Variants in DUSP1 observed in about 807,000 individuals in gnomAD.
The protein encoded by DUSP1 is dual specificity phosphatase 1.
In DUSP1, 10 loss-of-function variants were observed where a neutral mutation model predicts 27.4. That is an observed-to-expected ratio of 0.37 (90% CI 0.23 to 0.62). The LOEUF (loss-of-function observed/expected upper bound fraction) is 0.62. Among genes scored for constraint, DUSP1 ranks in the 20% least tolerant of loss-of-function variants. The probability of loss-of-function intolerance (pLI) is 0.68; values close to 1 mark genes in which losing one functional copy is unlikely to be tolerated. For synonymous variants in DUSP1, 262 were observed against 223.6 expected, an observed-to-expected ratio of 1.17 and a Z score of -1.53; for missense variants, 425 against 508.1, an observed-to-expected ratio of 0.84 and a Z score of 1.57.
Position 172,770,988 on chromosome 5 carries a change from C to G in DUSP1, c.-36G>C. The G allele has an allele frequency of 7.2e-7, 1 of 1,383,160 alleles. No individual in the cohort carries two copies. The allele number at this position is 1,383,160 out of a possible 1,614,324, so 85.7% of individuals were successfully genotyped here. A position where few individuals can be genotyped will look rare whatever the true frequency, so the allele number is the denominator to read the frequency against. ...AGCGCCCCCAGCGTGATCGGCCCTG[C>G]GGTGCTCTTTGTCTGTTCTCGGGGC... On this transcript the variant is annotated 5_prime_UTR_variant, in exon 1 of 4. Coordinates refer to ENST00000239223, the MANE Select transcript of DUSP1 (RefSeq NM_004417.4).
intron 1 of DUSP1, 90 bp downstream of exon 1, chr5:172,770,496 G>A: frequency 6.8e-7 from 1 of 1,478,622 alleles, no homozygotes; most frequent in African/African-American, 1.5e-5. Context: ...CGCGCTGCAG[G>A]TGGGGCGATC....
At position 172,770,312 on chromosome 5, in the gene DUSP1, AAT is replaced by A; in HGVS notation, c.368-8_368-7del. 6.2e-7 allele frequency: 1 copy of A among 1,610,588 alleles called. No individual in the cohort carries two copies. Among genetic ancestry groups the A allele is most frequent in the Non-Finnish European group, 8.5e-7 (1 of 1,178,654 alleles). ...CGAAAACGCTTCGTATCCTCCTGGGAATACAAAGACATTTTTTTTCCCCATTA... is the reference window on the plus strand; with the variant it reads ...CGAAAACGCTTCGTATCCTCCTGGGAACAAAGACATTTTTTTTCCCCATTA... On this transcript the variant is annotated splice_region_variant and splice_polypyrimidine_tract_variant and intron_variant, in intron 1 of 3. Coordinates refer to ENST00000239223, the MANE Select transcript of DUSP1 (RefSeq NM_004417.4).
In DUSP1 at chr5:172,768,718, T is replaced by C. The variant is rs755870981; in HGVS notation, c.*44A>G. ...ATTGCATTTCTCCTCTCAAGGAGCA[T>C]GGAGTCCCAATGGGATGTGAAGAGC... On this transcript the variant is annotated 3_prime_UTR_variant, in exon 4 of 4. Coordinates refer to ENST00000239223, the MANE Select transcript of DUSP1 (RefSeq NM_004417.4). 5 of 1,478,532 alleles carry C rather than the reference T, an allele frequency of 3.4e-6. No individual in the cohort carries two copies. In the East Asian group the frequency reaches 9.6e-5, roughly 28 times the overall value. 91.6% of individuals were successfully genotyped at this position (1,478,532 alleles called of 1,614,324 possible).
chr5:172,770,010 G>A lies in DUSP1; in HGVS notation c.513+151C>T, dbSNP rs201524622. The A allele has an allele frequency of 1.1e-5, 15 of 1,317,286 alleles. No homozygotes were observed. In the East Asian group the frequency reaches 2.8e-4, roughly 24 times the overall value. The allele number at this position is 1,317,286 out of a possible 1,614,324, so 81.6% of individuals were successfully genotyped here. A position where few individuals can be genotyped will look rare whatever the true frequency, so the allele number is the denominator to read the frequency against. ...AGCCTACAATTGGAGACTCGGCTCC[G>A]TCAGACCACTTAACTGTGGAATAAA... On this transcript the variant is annotated intron_variant, in intron 2 of 3. Transcript: ENST00000239223.
At position 172,770,931 on chromosome 5, in the gene DUSP1, G is replaced by T; in HGVS notation, c.22C>A (p.Leu8Met). Reference sequence around the variant, plus strand: ...AGCGCCCGCAGGCCTCCAGCGTCCAGGGTGCCCACTTCCATGACCATGGCC... The same window carrying T: ...AGCGCCCGCAGGCCTCCAGCGTCCATGGTGCCCACTTCCATGACCATGGCC... The part of the protein sequence containing the change: MVMEVGT[L>M]DAGGLRALLG... Residue 8 changes from leucine (L) to methionine (M), a missense_variant, in exon 1 of 4, where the codon CTG (leucine) becomes ATG (methionine). Around this residue, in one of 3 missense-constraint regions of DUSP1, gnomAD observed 282 missense variants for 319.3 expected, o/e 0.88. Transcript: ENST00000239223. 1 of 1,539,642 alleles carries T rather than the reference G, an allele frequency of 6.5e-7. No individual in the cohort carries two copies. The highest frequency in any genetic ancestry group is 1.2e-5 in the South Asian group (1 of 83,164).
rs1561676540 is a variant in DUSP1, at chr5:172,769,136, G to C, written c.734-4C>G. On this transcript the variant is annotated splice_polypyrimidine_tract_variant and splice_region_variant and intron_variant, in intron 3 of 3. Transcript: ENST00000239223. Reference sequence around the variant, plus strand: ...CCTCCAGCATTCTTGATGGAGTCTGGAAAACCAAAGGAGCGGCTGGTTACT... The same window carrying C: ...CCTCCAGCATTCTTGATGGAGTCTGCAAAACCAAAGGAGCGGCTGGTTACT... 26 of 1,601,416 alleles carry C rather than the reference G, an allele frequency of 1.6e-5. No homozygotes were observed. The highest frequency in any genetic ancestry group is 2.0e-5 in the Non-Finnish European group (24 of 1,176,892).
At position 172,771,073 on chromosome 5, in the gene DUSP1, C is replaced by A. The variant is rs1489860099; in HGVS notation, c.-121G>T. 3 of 1,267,320 alleles carry A rather than the reference C, an allele frequency of 2.4e-6. No homozygotes were observed. Among genetic ancestry groups the A allele is most frequent in the East Asian group, 6.3e-5 (2 of 31,732 alleles). 78.5% of individuals were successfully genotyped at this position (1,267,320 alleles called of 1,614,324 possible). A position where few individuals can be genotyped will look rare whatever the true frequency, so the allele number is the denominator to read the frequency against. ...GACCCCCGGGTCTCTCTGCGCCGAA[C>A]CAAAAGCCGCTTTTGGACTGAGAGA... On this transcript the variant is annotated 5_prime_UTR_variant, in exon 1 of 4. Transcript: ENST00000239223.
chr5:172,770,889 C>A lies in DUSP1; in HGVS notation c.64G>T (p.Ala22Ser). 2 of 1,533,888 alleles carry A rather than the reference C, an allele frequency of 1.3e-6. No homozygotes were observed. Among genetic ancestry groups the A allele is most frequent in the East Asian group, 2.5e-5 (1 of 40,688 alleles). ...GLRALLGERA[A>S]QCLLLDCRSF... ...CGGCAGTCCAGCAGCAGGCATTGCG[C>A]CGCTCGCTCCCCCAGCAGCGCCCGC... Residue 22 changes from alanine (A) to serine (S), a missense_variant, in exon 1 of 4, where the codon GCG becomes TCG. Transcript: ENST00000239223.
At position 172,770,683 on chromosome 5, in the gene DUSP1, G is replaced by A; in HGVS notation, c.270C>T (p.Ser90=). The change falls in exon 1 of 4, where the codon AGC becomes AGT. Residue 90 remains serine, a synonymous_variant. Transcript: ENST00000239223. Reference sequence around the variant, plus strand: ...CGCGCTTGGCGCCGTCCAGGGCGGCGCTGCGCTCGTCCAGCAACACCACGG... The same window carrying A: ...CGCGCTTGGCGCCGTCCAGGGCGGCACTGCGCTCGTCCAGCAACACCACGG... The part of the protein sequence containing the change: ...YHAVVLLDER[S]AALDGAKRDG... 7.4e-7 allele frequency: 1 copy of A among 1,355,448 alleles called. No individual in the cohort carries two copies. Among genetic ancestry groups the A allele is most frequent in the Non-Finnish European group, 9.4e-7 (1 of 1,058,616 alleles). The allele number at this position is 1,355,448 out of a possible 1,614,324, so 84.0% of individuals were successfully genotyped here.
At chr5:172,769,509 G>C in intron 3 of DUSP1, 66 bp downstream of exon 3, 1 of 1,567,480 alleles carries the variant, frequency 6.4e-7, no homozygotes, top group Non-Finnish European at 8.8e-7. Flanking sequence ...TTGCCACAGA[G>C]GTTGGGCTTA....
chr5:172,769,154 T>G (rs1039398081), intron 3 of DUSP1, 22 bp from the exon 4 acceptor site: 1 of 1,588,204 alleles, frequency 6.3e-7, no homozygotes, highest in African/African-American at 1.3e-5. Flanking sequence ...AAGGAGCGGC[T>G]GGTTACTTGA....
rs1403416302 is a variant in DUSP1 at position 172,770,817 on chromosome 5, C to T, written c.136G>A (p.Val46Met). The T allele has an allele frequency of 1.3e-6, 2 of 1,526,500 alleles. No homozygotes were observed. The highest frequency in any genetic ancestry group is 2.0e-5 in the Admixed American group (1 of 49,378). 94.6% of individuals were successfully genotyped at this position (1,526,500 alleles called of 1,614,324 possible). ...CGCCGCACGATGGTGCTGAAGCGCA[C>T]GTTGACAGAGCCGGCGATGTGGCCG... ...NAGHIAGSVN[V>M]RFSTIVRRRA... The change falls in exon 1 of 4, where the codon GTG (valine) becomes ATG (methionine). Residue 46 changes from valine to methionine, a missense_variant. Physicochemically the swap from Val to Met is conservative, Grantham distance 21. Transcript: ENST00000239223.
Position 172,769,098 on chromosome 5 carries a change from G to A in DUSP1, c.768C>T (p.Val256=). 4 of 1,612,452 alleles carry A rather than the reference G, an allele frequency of 2.5e-6. No individual in the cohort carries two copies. The highest frequency in any genetic ancestry group is 1.7e-4 in the Middle Eastern group (1 of 6,056). The stretch of plus-strand genomic sequence containing the variant: ...ACCGGGAAATGCCTGCCTGGCAGTG[G>A]ACAAACACCCTTCCTCCAGCATTCT... The part of the protein sequence containing the change: ...SIKNAGGRVF[V]HCQAGISRSA... The change falls in exon 4 of 4, where the codon GTC becomes GTT. Residue 256 remains valine, a synonymous_variant. Coordinates refer to ENST00000239223, the MANE Select transcript of DUSP1 (RefSeq NM_004417.4).
rs1759874710 is a variant in DUSP1, at chr5:172,770,644, G to A, written c.309C>T (p.Ala103=). The A allele has an allele frequency of 5.3e-6, 7 of 1,312,942 alleles. No individual in the cohort carries two copies. The highest frequency in any genetic ancestry group is 6.7e-6 in the Non-Finnish European group (7 of 1,037,456). 81.3% of individuals were successfully genotyped at this position (1,312,942 alleles called of 1,614,324 possible). A position where few individuals can be genotyped will look rare whatever the true frequency, so the allele number is the denominator to read the frequency against. Residue 103 remains alanine, a synonymous_variant, in exon 1 of 4, where the codon GCC becomes GCT. Transcript: ENST00000239223. ...CGCGGCAGAGCGCGCCGGCCGCCAG[G>A]GCCAGGGTGCCGTCGCGCTTGGCGC... The part of the protein sequence containing the change: ...LDGAKRDGTL[A]LAAGALCREA...
At position 172,770,779 on chromosome 5, in the gene DUSP1, G is replaced by A. The variant is rs908131530; in HGVS notation, c.174C>T (p.Gly58=). The change falls in exon 1 of 4, where the codon GGC becomes GGT. Residue 58 remains glycine, a synonymous_variant. Coordinates refer to ENST00000239223, the MANE Select transcript of DUSP1 (RefSeq NM_004417.4). ...FSTIVRRRAK[G]AMGLEHIVPN... ...GCACGATGTGCTCCAGGCCCATGGC[G>A]CCCTTGGCCCGGCGCCGCACGATGG... 7.3e-6 allele frequency: 11 copies of A among 1,498,702 alleles called. No homozygotes were observed. The highest frequency in any genetic ancestry group is 5.8e-5 in the African/African-American group (4 of 69,174). The allele number at this position is 1,498,702 out of a possible 1,614,324, so 92.8% of individuals were successfully genotyped here. A position where few individuals can be genotyped will look rare whatever the true frequency, so the allele number is the denominator to read the frequency against.
At position 172,768,789 on chromosome 5, in the gene DUSP1, G is replaced by A. The variant is rs140814607; in HGVS notation, c.1077C>T (p.Ser359=). ...AGCAGCTGGGAGAGGTCGTAATGGG[G>A]CTCTGAAGGTAGCTCAGCGCACTGT... ...STNSALSYLQ[S]PITTSPSC The change falls in exon 4 of 4, where the codon AGC becomes AGT. Residue 359 remains serine (S), a synonymous_variant. Transcript: ENST00000239223. The A allele has an allele frequency of 2.4e-5, 36 of 1,529,258 alleles. No homozygotes were observed. The highest frequency in any genetic ancestry group is 6.2e-5 in the Admixed American group (3 of 48,274). 94.7% of individuals were successfully genotyped at this position (1,529,258 alleles called of 1,614,324 possible).
rs776950475 is a variant in DUSP1, at chr5:172,769,736, C to G, written c.572G>C (p.Arg191Pro). 1 of 1,614,112 alleles carries G rather than the reference C, an allele frequency of 6.2e-7. No homozygotes were observed. Among genetic ancestry groups the G allele is most frequent in the Non-Finnish European group, 8.5e-7 (1 of 1,180,050 alleles). Residue 191 changes from arginine (R) to proline (P), a missense_variant, in exon 3 of 4, where the codon CGC becomes CCC. Physicochemically the swap from Arg to Pro is moderately radical, Grantham distance 103 (BLOSUM62 -2). Coordinates refer to ENST00000239223, the MANE Select transcript of DUSP1 (RefSeq NM_004417.4). ...LYLGSAYHAS[R>P]KDMLDALGIT... ...GCCCAAGGCATCCAGCATGTCCTTG[C>G]GGGAAGCGTGATACGCACTGCCCAG...
Position 172,771,164 on chromosome 5 carries a change from C to G in DUSP1, c.-212G>C. 1.7e-6 allele frequency: 1 copy of G among 572,402 alleles called. No individual in the cohort carries two copies. The highest frequency in any genetic ancestry group is 2.7e-6 in the Non-Finnish European group (1 of 370,342). The allele number at this position is 572,402 out of a possible 1,614,324, so 35.5% of individuals were successfully genotyped here. ...GGTTCCCCCGACTGCCCCTCCGACC[C>G]GCGTCGCACACACAGCCCAAATGTC... On this transcript the variant is annotated 5_prime_UTR_variant, in exon 1 of 4. Transcript: ENST00000239223.
rs1759873222 is a variant in DUSP1, at chr5:172,770,607, C to G, written c.346G>C (p.Ala116Pro). Residue 116 changes from alanine (A) to proline (P), a missense_variant, in exon 1 of 4, where the codon GCG becomes CCG. Transcript: ENST00000239223. The part of the protein sequence containing the change: ...AGALCREARA[A>P]QVFFLKGGYE... The stretch of plus-strand genomic sequence containing the variant: ...GTACCTTTGAGGAAGAAGACTTGCG[C>G]GGCGCGCGCCTCGCGGCAGAGCGCG... 7.4e-7 allele frequency: 1 copy of G among 1,350,342 alleles called. No homozygotes were observed. Among genetic ancestry groups the G allele is most frequent in the Non-Finnish European group, 9.5e-7 (1 of 1,057,566 alleles). 83.6% of individuals were successfully genotyped at this position (1,350,342 alleles called of 1,614,324 possible).
Sources: allele counts gnomAD v4.1 joint callset, GRCh38; gene constraint gnomAD v4.1.1; regional missense constraint gnomAD v4.1.1; transcripts MANE v1.5; gene names NCBI Gene and HGNC (gene_info 2026-07-23, HGNC 2026-07-21).